The following NCBP3 variants were observed in gnomAD, a reference collection of about 807,000 sequenced individuals.
NCBP3 encodes the protein nuclear cap-binding protein subunit 3.
A neutral mutation model predicts 75.7 loss-of-function variants in NCBP3; 20 were observed. The observed-to-expected ratio is 0.26, with a 90% confidence interval of 0.19 to 0.38. The LOEUF (loss-of-function observed/expected upper bound fraction) is 0.38, where lower values mean the gene tolerates loss of function less well. Ranked by LOEUF, NCBP3 falls within the 10% of genes least tolerant of loss-of-function variation. The pLI, the probability that NCBP3 is intolerant of heterozygous loss-of-function variation, is 1.00. For missense variants in NCBP3, 678 were observed against 796.9 expected (o/e 0.85, Z 1.80); for synonymous variants, 293 against 290.5 (o/e 1.01, Z -0.09).
At chr17:3,821,658 G>A (rs2053667968) in intron 8 of NCBP3, among the ~76,000 whole-genome samples, 1 of 152,042 alleles carries the variant, frequency 6.6e-6, no homozygotes, top group South Asian at 2.1e-4. Flanking sequence ...CCTGACCTCA[G>A]GTGATCTGCT....
chr17:3,825,289 T>C (rs1480534884), intron 6 of NCBP3, among the ~76,000 whole-genome samples: 1 of 152,182 alleles, frequency 6.6e-6, no homozygotes, highest in Non-Finnish European at 1.5e-5. Flanking sequence ...TGACACAGTA[T>C]GAGATATCTG....
At chr17:3,825,410 G>T (rs2143671050) in intron 6 of NCBP3, among the ~76,000 whole-genome samples, 1 of 152,178 alleles carries the variant, frequency 6.6e-6, no homozygotes, top group South Asian at 2.1e-4. Context: ...TATATAATAG[G>T]TACTCAGTAA....
intron 3 of NCBP3, among the ~76,000 whole-genome samples, chr17:3,839,370 C>CA (rs1369825055): frequency 1.3e-5 from 2 of 151,828 alleles, no homozygotes; most frequent in Non-Finnish European, 2.9e-5. Context: ...TTTTTTAAGA[C>CA]AGAGTCTCGC....
rs143510723 is a variant in NCBP3 at position 3,807,262 on chromosome 17, C to T, written c.*5782G>A. The stretch of plus-strand genomic sequence containing the variant: ...CTACCAGCTTCCTCTACTTCTATCC[C>T]GGGACAGATGAATGCTTTTCTAAAA... On this transcript the variant is annotated 3_prime_UTR_variant, in exon 13 of 13. Transcript: ENST00000389005. 6 of 152,304 alleles carry T rather than the reference C, an allele frequency of 3.9e-5. No individual in the cohort carries two copies. Among genetic ancestry groups the T allele is most frequent in the Non-Finnish European group, 5.9e-5 (4 of 68,030 alleles). The allele number at this position is 152,304 out of a possible 1,614,324, so 9.4% of individuals were successfully genotyped here.
chr17:3,813,320 T>C, intron 12 of NCBP3, 41 bp from the exon 13 acceptor site: 1 of 1,609,256 alleles, frequency 6.2e-7, no homozygotes, highest in Non-Finnish European at 8.5e-7. Flanking sequence ...CAGTCAGCGC[T>C]AAGAACCAGG....
At position 3,832,508 on chromosome 17, in the gene NCBP3, G is replaced by A. The variant is rs1477631710; in HGVS notation, c.356-3140C>T. ...TAGCCAGGTGTGGTGGCAGGCACCT[G>A]TAGTCCCAGCTACTCGGGAGGCTGA... is the stretch of plus-strand genomic sequence containing the variant. On this transcript the variant is annotated intron_variant, in intron 3 of 12. Coordinates refer to ENST00000389005, the MANE Select transcript of NCBP3 (RefSeq NM_001114118.3). Among the ~76,000 whole-genome samples, 27 of 122,018 alleles carry A rather than the reference G, an allele frequency of 2.2e-4. 4 individuals are homozygous for A. The highest frequency in any genetic ancestry group is 6.5e-4 in the African/African-American group (26 of 39,748). The allele number at this position is 122,018 out of a possible 152,430, so 80.0% of individuals were successfully genotyped here.
In NCBP3 at chr17:3,809,420, G is replaced by A. The variant is rs2053374495; in HGVS notation, c.*3624C>T. 1 of 152,178 alleles carries A rather than the reference G, an allele frequency of 6.6e-6. No homozygotes were observed. The highest frequency in any genetic ancestry group is 2.4e-5 in the African/African-American group (1 of 41,446). 9.4% of individuals were successfully genotyped at this position (152,178 alleles called of 1,614,324 possible). ...CAACACTATTCATAATAGCCAAAAAGTAGGGCCAGGTGCAGTGGCTCACAC... is the reference window on the plus strand; with the variant it reads ...CAACACTATTCATAATAGCCAAAAAATAGGGCCAGGTGCAGTGGCTCACAC... On this transcript the variant is annotated 3_prime_UTR_variant, in exon 13 of 13. Coordinates refer to ENST00000389005, the MANE Select transcript of NCBP3 (RefSeq NM_001114118.3).
At position 3,803,340 on chromosome 17, in the gene NCBP3, C is replaced by T. The variant is rs2143604420; in HGVS notation, c.*9704G>A. The T allele has an allele frequency of 6.6e-6, 1 of 152,374 alleles. No individual in the cohort carries two copies. The highest frequency in any genetic ancestry group is 6.5e-5 in the Admixed American group (1 of 15,308). 9.4% of individuals were successfully genotyped at this position (152,374 alleles called of 1,614,324 possible). ...GGACAACTAAAGGCAGCGCTTGATC[C>T]TGGATTGGATCCTGGACCAGAAAAA... On this transcript the variant is annotated 3_prime_UTR_variant, in exon 13 of 13. Transcript: ENST00000389005.
chr17:3,824,415 C>CACATACAT (rs147371355), intron 7 of NCBP3: 11 of 141,092 alleles, frequency 7.8e-5, no homozygotes, highest in African/African-American at 2.7e-4. Flanking sequence ...TATACACATA[C>CACATACAT]ACATACATAC....
chr17:3,829,503 A>C (rs2053842135), intron 3 of NCBP3, 135 bp from the exon 4 acceptor site: 1 of 998,476 alleles, frequency 1.0e-6, no homozygotes, highest in Non-Finnish European at 1.4e-6. Flanking sequence ...TAATTATTTC[A>C]AAAGAGCACG....
rs543889755 is a variant in NCBP3 at position 3,844,677 on chromosome 17, C to CCCGT, written c.183+1360_183+1363dup. ...ACCAGCCTGGCCAACATGGAGAAACCCCGTCTCTACTAAAAATACAAAATT... is the reference window on the plus strand; with the variant it reads ...ACCAGCCTGGCCAACATGGAGAAACCCCGTCCGTCTCTACTAAAAATACAAAATT... On this transcript the variant is annotated intron_variant, in intron 1 of 12. Transcript: ENST00000389005. Among the ~76,000 whole-genome samples the CCCGT allele has an allele frequency of 1.2e-3, 180 of 152,308 alleles. 1 individual carries two copies. Among genetic ancestry groups the CCCGT allele is most frequent in the African/African-American group, 3.8e-3 (160 of 41,574 alleles).
At chr17:3,820,549 A>C (rs1021133676) in intron 9 of NCBP3, among the ~76,000 whole-genome samples, 2 of 152,274 alleles carry the variant, frequency 1.3e-5, no homozygotes, top group African/African-American at 4.8e-5. Context: ...CACATGCACA[A>C]ACCAACAAGC....
At chr17:3,827,339 C>T (rs1220007909) in intron 4 of NCBP3, among the ~76,000 whole-genome samples, 1 of 152,202 alleles carries the variant, frequency 6.6e-6, no homozygotes, top group Non-Finnish European at 1.5e-5. Flanking sequence ...CTTTACACTA[C>T]CGCCCCCTAC....
In NCBP3 at chr17:3,840,044, G is replaced by C. The variant is rs979450491; in HGVS notation, c.355+56C>G. 10 of 1,389,394 alleles carry C rather than the reference G, an allele frequency of 7.2e-6. No homozygotes were observed. In the African/African-American group the frequency reaches 8.6e-5, roughly 12 times the overall value. The allele number at this position is 1,389,394 out of a possible 1,614,324, so 86.1% of individuals were successfully genotyped here. ...AGGCCAGAAGCATGAGGTGATGGCA[G>C]GGAAAAGGCACTCTCTGGGGAAATG... is the stretch of plus-strand genomic sequence containing the variant. On this transcript the variant is annotated intron_variant, in intron 3 of 12. Transcript: ENST00000389005.
In NCBP3 at chr17:3,818,721, T is replaced by C. The variant is rs1218936849; in HGVS notation, c.1001-149A>G. The C allele has an allele frequency of 2.4e-6, 2 of 836,638 alleles. No homozygotes were observed. The highest frequency in any genetic ancestry group is 3.7e-6 in the Non-Finnish European group (2 of 540,056). 51.8% of individuals were successfully genotyped at this position (836,638 alleles called of 1,614,324 possible). Reference sequence around the variant, plus strand: ...TATCTATAATAGTGCCAAATGGACATTACTCTGATACTGCAACAGGAGGAT... The same window carrying C: ...TATCTATAATAGTGCCAAATGGACACTACTCTGATACTGCAACAGGAGGAT... On this transcript the variant is annotated intron_variant, in intron 9 of 12. Transcript: ENST00000389005. The surrounding 1 kb of genome is among the most constrained non-coding windows in gnomAD (Gnocchi z 4.7).
intron 3 of NCBP3, among the ~76,000 whole-genome samples, chr17:3,832,663 T>C (rs1030832897): frequency 6.6e-6 from 1 of 151,542 alleles, no homozygotes; most frequent in Admixed American, 6.6e-5. Context: ...AAAATAAAAA[T>C]AAAAAAAGGA....
chr17:3,803,880 C>A lies in NCBP3; in HGVS notation c.*9164G>T, dbSNP rs553302089. The A allele has an allele frequency of 6.6e-6, 1 of 151,604 alleles. No individual in the cohort carries two copies. Among genetic ancestry groups the A allele is most frequent in the Non-Finnish European group, 1.5e-5 (1 of 67,882 alleles). The allele number at this position is 151,604 out of a possible 1,614,324, so 9.4% of individuals were successfully genotyped here. On this transcript the variant is annotated 3_prime_UTR_variant, in exon 13 of 13. Coordinates refer to ENST00000389005, the MANE Select transcript of NCBP3 (RefSeq NM_001114118.3). Reference sequence around the variant, plus strand: ...CACAAAGTCAGGAGATCGAGACCATCCTGGCTAACACGGTGAAACCCGGTC... The same window carrying A: ...CACAAAGTCAGGAGATCGAGACCATACTGGCTAACACGGTGAAACCCGGTC...
intron 3 of NCBP3, among the ~76,000 whole-genome samples, chr17:3,837,591 G>A (rs1337840105): frequency 2.0e-5 from 3 of 151,416 alleles, no homozygotes; most frequent in Admixed American, 6.6e-5. Context: ...AAAATTAGCT[G>A]GGTGTGGTGG....
intron 1 of NCBP3, 72 bp from the exon 2 acceptor site, chr17:3,843,223 C>T: frequency 9.0e-7 from 1 of 1,113,964 alleles, no homozygotes; most frequent in Non-Finnish European, 1.3e-6. Context: ...GTCGGCCTGA[C>T]ATCTGCAGGT....
Sources: allele counts gnomAD v4.1 joint callset (sites outside exome capture counted in the v4.1 genomes callset), GRCh38; gene constraint gnomAD v4.1.1; non-coding constraint Gnocchi (gnomAD v3.1); transcripts MANE v1.5; gene names NCBI Gene and HGNC (gene_info 2026-07-23, HGNC 2026-07-21).